The following FUT8 variants were observed in gnomAD, a reference collection of about 807,000 sequenced individuals.
The protein encoded by FUT8 is fucosyltransferase 8.
Under a neutral mutation model 71.3 loss-of-function variants are expected in FUT8, and 29 were observed. The ratio of observed to expected loss-of-function variants is 0.41; its 90% confidence interval spans 0.30 to 0.55. The LOEUF is 0.55. Among genes scored for constraint, FUT8 ranks in the 20% least tolerant of loss-of-function variants. FUT8 has a pLI of 0.34. For missense variants in FUT8, 544 were observed against 702.1 expected, an observed-to-expected ratio of 0.77 and a Z score of 2.55; for synonymous variants, 254 against 239.3, an observed-to-expected ratio of 1.06 and a Z score of -0.57.
the FUT8 span, among the ~76,000 whole-genome samples, chr14:65,356,869 G>A: frequency 2.6e-4 from 39 of 152,180 alleles, no homozygotes; most frequent in African/African-American, 8.2e-4. The surrounding 1 kb of genome is among the most constrained non-coding windows in gnomAD (Gnocchi z 4.6). Context: ...CTGGAACACC[G>A]GCTCACATAT....
At chr14:65,534,092 C>CT (rs969397111) in intron 2 of FUT8, among the ~76,000 whole-genome samples, 2 of 151,470 alleles carry the variant, frequency 1.3e-5, no homozygotes, top group African/African-American at 4.8e-5. Context: ...GTTTTCTTCT[C>CT]TTTTTTTTCC....
At chr14:65,677,181 T>A (rs1375722875) in intron 7 of FUT8, among the ~76,000 whole-genome samples, 1 of 127,912 alleles carries the variant, frequency 7.8e-6, no homozygotes, top group Non-Finnish European at 1.7e-5. Flanking sequence ...CACGTATGTG[T>A]GTGCGCATGT....
intron 3 of FUT8, among the ~76,000 whole-genome samples, chr14:65,583,696 G>A (rs1362439345): frequency 1.3e-5 from 2 of 151,168 alleles, no homozygotes; most frequent in Non-Finnish European, 2.9e-5. Context: ...AGCATCTATA[G>A]TAACTTGGTT....
chr14:65,528,725 A>G (rs752653217), intron 2 of FUT8: 1 of 152,248 alleles, frequency 6.6e-6, no homozygotes, highest in African/African-American at 2.4e-5. Flanking sequence ...TAAGATACAC[A>G]GAAGACTGGT....
At chr14:65,661,869 A>G (rs1223131537) in intron 6 of FUT8, among the ~76,000 whole-genome samples, 3 of 152,164 alleles carry the variant, frequency 2.0e-5, no homozygotes, top group Non-Finnish European at 4.4e-5. Context: ...AACAGTGACT[A>G]TTTTTATATT....
chr14:65,417,700 ATCT>A (rs1177448088), intron 1 of FUT8, among the ~76,000 whole-genome samples: 6 of 152,154 alleles, frequency 3.9e-5, no homozygotes, highest in Admixed American at 6.5e-5. Context: ...GAATTTATAA[ATCT>A]TCTTTTAATT....
At chr14:65,440,523 G>A (rs141457658) in intron 1 of FUT8, among the ~76,000 whole-genome samples, 4 of 152,110 alleles carry the variant, frequency 2.6e-5, no homozygotes, top group Middle Eastern at 3.4e-3. Flanking sequence ...AACAAAAAAA[G>A]CTTGGATATA....
At chr14:65,480,263 T>C (rs2139675933) in intron 2 of FUT8, among the ~76,000 whole-genome samples, 1 of 151,754 alleles carries the variant, frequency 6.6e-6, no homozygotes, top group East Asian at 1.9e-4. Context: ...ATCTTGGTAG[T>C]AGTAAAACTG....
At chr14:65,508,214 C>T (rs1882061094) in intron 2 of FUT8, among the ~76,000 whole-genome samples, 1 of 151,632 alleles carries the variant, frequency 6.6e-6, no homozygotes, top group African/African-American at 2.4e-5. Flanking sequence ...ACTACAGGCA[C>T]ACACCGCTAT....
At chr14:65,363,986 A>G in the FUT8 span, among the ~76,000 whole-genome samples, 1 of 152,182 alleles carries the variant, frequency 6.6e-6, no homozygotes, top group Non-Finnish European at 1.5e-5. Context: ...GTCATTTTAC[A>G]TGTGCTCCTG....
intron 6 of FUT8, among the ~76,000 whole-genome samples, chr14:65,642,966 A>G (rs969659061): frequency 1.3e-5 from 2 of 152,142 alleles, no homozygotes; most frequent in African/African-American, 2.4e-5. Context: ...TTCATTTCCA[A>G]TATGGATTCT....
Position 65,620,383 on chromosome 14 carries a change from A to G in FUT8, c.482+4010A>G, listed in dbSNP as rs556211863. On this transcript the variant is annotated intron_variant, in intron 5 of 10. Coordinates refer to ENST00000673929, the MANE Select transcript of FUT8 (RefSeq NM_001371533.1). ...TGCTTAGACTAAATTGTGTTCTCCA[A>G]ATAGTGAATGATACTTATGTTAATT... 2.4e-4 allele frequency among the ~76,000 whole-genome samples: 37 copies of G among 152,310 alleles called. No individual in the cohort carries two copies. In the South Asian group the frequency reaches 7.7e-3, roughly 32 times the overall value.
At chr14:65,476,665 TTTTTTTG>T in intron 2 of FUT8, among the ~76,000 whole-genome samples, 1 of 95,234 alleles carries the variant, frequency 1.1e-5, no homozygotes. Context: ...TTTTTTTTTT[TTTTTTTG>T]GCGACAGGGT....
At chr14:65,718,315 C>T (rs1423503961) in intron 7 of FUT8, among the ~76,000 whole-genome samples, 1 of 152,114 alleles carries the variant, frequency 6.6e-6, no homozygotes, top group Non-Finnish European at 1.5e-5. Context: ...CAATTTGGCA[C>T]CGATTGCATA....
At chr14:65,492,506 G>T (rs2066496775) in intron 2 of FUT8, among the ~76,000 whole-genome samples, 1 of 152,040 alleles carries the variant, frequency 6.6e-6, no homozygotes, top group African/African-American at 2.4e-5. Flanking sequence ...TCCTTTTTCT[G>T]TACATCACTT....
At chr14:65,637,406 A>G (rs980879586) in intron 6 of FUT8, among the ~76,000 whole-genome samples, 5 of 152,158 alleles carry the variant, frequency 3.3e-5, no homozygotes, top group Non-Finnish European at 5.9e-5. Context: ...TCTCATGTAA[A>G]GTGCTGCTAG....
intron 7 of FUT8, among the ~76,000 whole-genome samples, chr14:65,697,675 G>A (rs76574720): frequency 1.4e-4 from 22 of 152,184 alleles, no homozygotes; most frequent in African/African-American, 4.8e-4. Flanking sequence ...GGTGGCTCAC[G>A]CCTGTTGCCT....
At chr14:65,522,197 CAGTACT>C (rs754055029) in intron 2 of FUT8, among the ~76,000 whole-genome samples, 46 of 152,274 alleles carry the variant, frequency 3.0e-4, no homozygotes, top group Non-Finnish European at 5.6e-4. Context: ...TCCTGTTTGA[CAGTACT>C]AGCTTTGTGA....
intron 3 of FUT8, among the ~76,000 whole-genome samples, chr14:65,573,391 G>A (rs1314028576): frequency 6.6e-6 from 1 of 151,286 alleles, no homozygotes; most frequent in Non-Finnish European, 1.5e-5. Flanking sequence ...TTAGAGTAAG[G>A]TAACTTTCAA....
Sources: gnomAD v4.1 joint callset for allele counts (sites outside exome capture counted in the v4.1 genomes callset) on GRCh38, gnomAD v4.1.1 for gene constraint, Gnocchi (gnomAD v3.1) non-coding constraint, MANE v1.5 for transcripts, NCBI Gene and HGNC (gene_info 2026-07-23, HGNC 2026-07-21) for gene names.